The following RIT2 variants were observed in gnomAD, a reference collection of about 807,000 sequenced individuals.
RIT2 encodes Ras like without CAAX 2.
Under a neutral mutation model 23.7 loss-of-function variants are expected in RIT2, and 24 were observed. The ratio of observed to expected loss-of-function variants is 1.01; its 90% CI spans 0.73 to 1.43. RIT2 has a LOEUF of 1.43. Among genes scored for constraint, RIT2 ranks in the 40% most tolerant of loss-of-function variants. RIT2 has a pLI of 0.00. For missense variants in RIT2, 236 were observed against 266.9 expected, an observed-to-expected ratio of 0.88 and a Z score of 0.81; for synonymous variants, 107 against 91.1, an observed-to-expected ratio of 1.17 and a Z score of -0.99.
chr18:43,095,310 C>T (rs1180970454), intron 1 of RIT2, among the ~76,000 whole-genome samples: 1 of 151,892 alleles, frequency 6.6e-6, no homozygotes, highest in Admixed American at 6.6e-5. Context: ...CTCTGATGAC[C>T]GGTGATGATG....
chr18:42,937,656 A>G lies in RIT2; in HGVS notation c.235-13893T>C, dbSNP rs548988079. Among the ~76,000 whole-genome samples the G allele has an allele frequency of 3.5e-3, 535 of 152,290 alleles. 2 individuals are homozygous for G. The highest frequency in any genetic ancestry group is 0.012 in the African/African-American group (510 of 41,574). ...CTAACCACAAAGCTTCCTGATCTAC[A>G]TTGTCTCAGGGCTGGATCTCATTTG... On this transcript the variant is annotated intron_variant, in intron 3 of 4. Coordinates refer to ENST00000326695, the MANE Select transcript of RIT2 (RefSeq NM_002930.4).
chr18:42,988,616 C>A (rs144372324), intron 2 of RIT2, among the ~76,000 whole-genome samples: 186 of 152,318 alleles, frequency 1.2e-3, no homozygotes, highest in African/African-American at 4.4e-3. Flanking sequence ...CTTCCAGGAA[C>A]TCCCTATTAA....
chr18:42,892,282 T>C (rs1472483123), intron 4 of RIT2, among the ~76,000 whole-genome samples: 1 of 152,192 alleles, frequency 6.6e-6, no homozygotes, highest in Non-Finnish European at 1.5e-5. Flanking sequence ...GGCCCCATTT[T>C]TCCAGCTTAA....
At chr18:43,044,866 T>G (rs898505297) in intron 1 of RIT2, among the ~76,000 whole-genome samples, 5 of 152,170 alleles carry the variant, frequency 3.3e-5, no homozygotes, top group Non-Finnish European at 4.4e-5. Flanking sequence ...ACAAACTCAC[T>G]GCTAATGGAA....
intron 1 of RIT2, among the ~76,000 whole-genome samples, chr18:43,073,065 A>T (rs1912933914): frequency 6.6e-6 from 1 of 152,206 alleles, no homozygotes; most frequent in African/African-American, 2.4e-5. Flanking sequence ...ATTTCTAACT[A>T]GAAATGTAAC....
intron 4 of RIT2, among the ~76,000 whole-genome samples, chr18:42,875,043 C>G (rs1480299945): frequency 6.6e-6 from 1 of 152,120 alleles, no homozygotes; most frequent in South Asian, 2.1e-4. Context: ...GTCAGCATGT[C>G]ATGGTGACTG....
chr18:42,940,916 C>T (rs928323634), intron 3 of RIT2, among the ~76,000 whole-genome samples: 1 of 152,076 alleles, frequency 6.6e-6, no homozygotes, highest in East Asian at 1.9e-4. Context: ...CAAAATCTTG[C>T]TGGTCTAGGA....
chr18:43,029,358 T>C (rs1377938570), intron 2 of RIT2, among the ~76,000 whole-genome samples: 2 of 152,044 alleles, frequency 1.3e-5, no homozygotes, highest in African/African-American at 4.8e-5. Flanking sequence ...GTTGGTCTTA[T>C]GAATTTCTGG....
intron 4 of RIT2, among the ~76,000 whole-genome samples, chr18:42,912,547 G>A (rs949552665): frequency 1.3e-5 from 2 of 151,738 alleles, no homozygotes; most frequent in Non-Finnish European, 2.9e-5. Context: ...TATACTTTGA[G>A]GACTAATAAG....
chr18:42,928,192 C>G lies in RIT2; in HGVS notation c.235-4429G>C, dbSNP rs150201795. On this transcript the variant is annotated intron_variant, in intron 3 of 4. Transcript: ENST00000326695. ...ATAAGTCCGTCAGTCATACACCTAA[C>G]ACTGTACCAAGTGGTAGGGCATATA... Among the ~76,000 whole-genome samples the G allele has an allele frequency of 2.5e-3, 385 of 152,096 alleles. 1 individual carries two copies. Among genetic ancestry groups the G allele is most frequent in the African/African-American group, 8.8e-3 (365 of 41,538 alleles).
chr18:42,943,356 T>C (rs1290289629), intron 3 of RIT2, among the ~76,000 whole-genome samples: 1 of 152,074 alleles, frequency 6.6e-6, no homozygotes, highest in African/African-American at 2.4e-5. Context: ...TACAGAGCAC[T>C]GATTGGAGCA....
intron 4 of RIT2, among the ~76,000 whole-genome samples, chr18:42,821,562 A>C (rs1176081061): frequency 1.3e-5 from 2 of 152,084 alleles, no homozygotes; most frequent in African/African-American, 4.8e-5. Flanking sequence ...GGCACCGGAG[A>C]TGCTACTAAC....
At chr18:43,085,735 G>T (rs1030479886) in intron 1 of RIT2, among the ~76,000 whole-genome samples, 1 of 151,274 alleles carries the variant, frequency 6.6e-6, no homozygotes, top group Non-Finnish European at 1.5e-5. Context: ...ACGTGGTTTG[G>T]CCGTGTCCCC....
chr18:42,837,153 C>CATTTTTTTTTTTTTTTTTTTTTT (rs1906630267), intron 4 of RIT2, among the ~76,000 whole-genome samples: 1 of 51,682 alleles, frequency 1.9e-5, no homozygotes, highest in Non-Finnish European at 3.6e-5. Context: ...TTTTCTTTTT[C>CATTTTTTTTTTTTTTTTTTTTTT]TTTTTTTTTT....
At chr18:43,033,919 T>G (rs1317801028) in intron 1 of RIT2, 52 bp from the exon 2 acceptor site, 1 of 1,251,940 alleles carries the variant, frequency 8.0e-7, no homozygotes, top group East Asian at 2.3e-5. Flanking sequence ...AATTCATCAA[T>G]AAGTTATTTA....
intron 1 of RIT2, among the ~76,000 whole-genome samples, chr18:43,082,211 T>C (rs780274124): frequency 6.6e-6 from 1 of 152,176 alleles, no homozygotes; most frequent in Middle Eastern, 3.2e-3. Context: ...TGTAATGTAG[T>C]TTTTATTTCT....
chr18:43,010,788 A>T (rs11082303), intron 2 of RIT2, among the ~76,000 whole-genome samples: 18,390 of 151,816 alleles, frequency 0.12, 1,226 homozygotes, highest in African/African-American at 0.15. Flanking sequence ...TAAAAGAAAA[A>T]AGTTGTAAAC....
intron 4 of RIT2, among the ~76,000 whole-genome samples, chr18:42,764,498 A>G (rs1367882568): frequency 6.6e-6 from 1 of 152,146 alleles, no homozygotes; most frequent in Non-Finnish European, 1.5e-5. Flanking sequence ...ACCTCTACCT[A>G]GATGCATTTT....
chr18:42,938,311 A>T (rs1396661225), intron 3 of RIT2, among the ~76,000 whole-genome samples: 1 of 152,196 alleles, frequency 6.6e-6, no homozygotes, highest in Admixed American at 6.5e-5. Flanking sequence ...AGTCCAGGAG[A>T]TATCTGCAAT....
Sources: allele counts gnomAD v4.1 joint callset (sites outside exome capture counted in the v4.1 genomes callset), GRCh38; gene constraint gnomAD v4.1.1; transcripts MANE v1.5; gene names NCBI Gene and HGNC (gene_info 2026-07-23, HGNC 2026-07-21).